PTPRG: variants seen among roughly 807,000 people sequenced by gnomAD.
The protein encoded by PTPRG is protein tyrosine phosphatase receptor type G.
In PTPRG, 102 loss-of-function variants were observed where a neutral mutation model predicts 165.3. The observed-to-expected ratio is 0.62, with a 90% CI of 0.53 to 0.73. The LOEUF (loss-of-function observed/expected upper bound fraction) is 0.73. Among genes scored for constraint, PTPRG ranks in the 30% least tolerant of loss-of-function variants. The pLI, the probability that PTPRG is intolerant of heterozygous loss-of-function variation, is 0.00. For missense variants in PTPRG, 1,866 were observed against 1,861.4 expected (o/e 1.00, Z -0.05); for synonymous variants, 675 against 669.5 (o/e 1.01, Z -0.13).
At chr3:62,071,638 G>A (rs865888188) in intron 4 of PTPRG, among the ~76,000 whole-genome samples, 66 of 152,130 alleles carry the variant, frequency 4.3e-4, no homozygotes, top group African/African-American at 1.6e-3. Flanking sequence ...ATCTGTCATG[G>A]TGCCTTACAG....
chr3:62,176,945 A>C (rs1359024485), intron 8 of PTPRG, among the ~76,000 whole-genome samples: 1 of 152,082 alleles, frequency 6.6e-6, no homozygotes, highest in East Asian at 1.9e-4. Context: ...CTAATATCTA[A>C]GCTTCTATTT....
At chr3:62,115,041 T>C (rs1332570690) in intron 5 of PTPRG, among the ~76,000 whole-genome samples, 2 of 152,242 alleles carry the variant, frequency 1.3e-5, no homozygotes, top group Non-Finnish European at 2.9e-5. Context: ...GGGATTCAAC[T>C]GACTGTTGCA....
At chr3:62,183,790 T>A (rs750072878) in intron 8 of PTPRG, among the ~76,000 whole-genome samples, 10 of 152,120 alleles carry the variant, frequency 6.6e-5, no homozygotes, top group Non-Finnish European at 1.5e-4. Context: ...TTGTCATTTG[T>A]CATTGAGAAC....
chr3:61,610,016 T>C (rs187554929), intron 1 of PTPRG, among the ~76,000 whole-genome samples: 2 of 148,766 alleles, frequency 1.3e-5, no homozygotes, highest in African/African-American at 5.0e-5. Flanking sequence ...AAAATGTTTT[T>C]ATTTGTATCT....
At chr3:61,649,173 C>G (rs996315639) in intron 1 of PTPRG, among the ~76,000 whole-genome samples, 5 of 151,334 alleles carry the variant, frequency 3.3e-5, no homozygotes, top group African/African-American at 1.2e-4. Context: ...CTTTCCCTCC[C>G]TCCTTCCTTC....
intron 2 of PTPRG, among the ~76,000 whole-genome samples, chr3:61,863,896 C>G (rs1433013893): frequency 1.3e-5 from 2 of 152,192 alleles, no homozygotes; most frequent in Non-Finnish European, 1.5e-5. Context: ...CAGTGTTGTT[C>G]TATGTATTTA....
intron 2 of PTPRG, among the ~76,000 whole-genome samples, chr3:61,910,070 C>T (rs2038761580): frequency 1.3e-5 from 2 of 151,966 alleles, no homozygotes; most frequent in South Asian, 2.1e-4. Flanking sequence ...ATTTTTAATT[C>T]ACTTATTTTT....
chr3:61,845,415 A>T (rs1213679556), intron 2 of PTPRG, among the ~76,000 whole-genome samples: 3 of 152,234 alleles, frequency 2.0e-5, no homozygotes, highest in Non-Finnish European at 4.4e-5. Context: ...CTGTTGCTTT[A>T]GGCAGCCAAA....
intron 2 of PTPRG, among the ~76,000 whole-genome samples, chr3:61,944,595 T>C (rs889584095): frequency 2.0e-5 from 3 of 152,194 alleles, no homozygotes; most frequent in Non-Finnish European, 2.9e-5. Context: ...TCGCGCTACA[T>C]GATAATCTGT....
chr3:61,637,893 A>C (rs1245796957), intron 1 of PTPRG, among the ~76,000 whole-genome samples: 1 of 151,192 alleles, frequency 6.6e-6, no homozygotes. Context: ...TAGCCATCTT[A>C]CCATTCATGT....
At position 62,277,667 on chromosome 3, in the gene PTPRG, C is replaced by A. The variant is rs768894209; in HGVS notation, c.3753C>A (p.Asp1251Glu). The change falls in exon 26 of 30, where the codon GAC (aspartate) becomes GAA (glutamate). Residue 1251 changes from aspartate (D) to glutamate (E), a missense_variant. By Grantham distance (45) the Asp-to-Glu change is conservative. Around this residue, in one of 3 missense-constraint regions of PTPRG, gnomAD observed 1,452 missense variants for 1,463.0 expected, o/e 0.99. Transcript: ENST00000474889. ...HNAQIIVMLPDNQSLAEDEFV... is the reference protein window; with the variant it reads ...HNAQIIVMLPENQSLAEDEFV... ...CACAGATCATTGTCATGCTGCCAGACAACCAGAGCTTGGTAAGTAAAGCAC... is the reference window on the plus strand; with the variant it reads ...CACAGATCATTGTCATGCTGCCAGAAAACCAGAGCTTGGTAAGTAAAGCAC... The A allele has an allele frequency of 1.2e-6, 2 of 1,612,468 alleles. No individual in the cohort carries two copies. Among genetic ancestry groups the A allele is most frequent in the East Asian group, 4.5e-5 (2 of 44,848 alleles).
At chr3:61,762,591 G>A (rs1415357197) in intron 2 of PTPRG, among the ~76,000 whole-genome samples, 5 of 152,122 alleles carry the variant, frequency 3.3e-5, no homozygotes, top group Admixed American at 6.5e-5. Flanking sequence ...AGCCTGGGCA[G>A]CAGAACAACA....
At chr3:62,281,416 G>A (rs189725319) in intron 26 of PTPRG, 147 bp from the exon 27 acceptor site, 39 of 633,216 alleles carry the variant, frequency 6.2e-5, no homozygotes, top group African/African-American at 5.8e-4. Context: ...TCAACTTGGT[G>A]TAGTTCGATG....
chr3:61,713,707 G>A (rs1220427883), intron 1 of PTPRG, among the ~76,000 whole-genome samples: 1 of 152,168 alleles, frequency 6.6e-6, no homozygotes, highest in Non-Finnish European at 1.5e-5. Context: ...GCATTCAGCA[G>A]TTAACATCAT....
chr3:61,832,918 C>A (rs113007908), intron 2 of PTPRG, among the ~76,000 whole-genome samples: 1 of 152,178 alleles, frequency 6.6e-6, no homozygotes, highest in Non-Finnish European at 1.5e-5. Flanking sequence ...TTTGCATTCT[C>A]GTAGCTTGGC....
At chr3:61,679,920 CT>C (rs1703370197) in intron 1 of PTPRG, among the ~76,000 whole-genome samples, 1 of 152,152 alleles carries the variant, frequency 6.6e-6, no homozygotes, top group Admixed American at 6.6e-5. Context: ...ATCTTGACAC[CT>C]TACTCTCTTC....
intron 2 of PTPRG, among the ~76,000 whole-genome samples, chr3:61,767,254 A>AAAAAAAAAAG (rs1559600813): frequency 6.7e-6 from 1 of 149,294 alleles, no homozygotes; most frequent in Non-Finnish European, 1.5e-5. Context: ...AAAAAAAAAA[A>AAAAAAAAAAG]AAAGAAAGTA....
At position 61,911,200 on chromosome 3, in the gene PTPRG, C is replaced by G. The variant is rs544755112; in HGVS notation, c.191-78425C>G. 3.3e-5 allele frequency among the ~76,000 whole-genome samples: 5 copies of G among 152,216 alleles called. No individual in the cohort carries two copies. The East Asian group carries it at 7.7e-4, about 24-fold the overall frequency. ...CTGATACTTAATACATTTTTGGTTT[C>G]AAGACAAAGAGGGGAAGGGGGCAGA... On this transcript the variant is annotated intron_variant, in intron 2 of 29. Coordinates refer to ENST00000474889, the MANE Select transcript of PTPRG (RefSeq NM_002841.4).
Position 61,562,235 on chromosome 3 carries a change from T to A in PTPRG, c.-53T>A. On this transcript the variant is annotated 5_prime_UTR_variant, in exon 1 of 30. Transcript: ENST00000474889. The stretch of plus-strand genomic sequence containing the variant: ...GGAGGCTCGCACGGAGGCAAGAACT[T>A]ATTCAACAAGTTTACCTCCCTGCTT... The A allele has an allele frequency of 6.5e-7, 1 of 1,537,256 alleles. No individual in the cohort carries two copies. Among genetic ancestry groups the A allele is most frequent in the Non-Finnish European group, 9.0e-7 (1 of 1,111,012 alleles).
Sources: gnomAD v4.1 joint callset for allele counts (sites outside exome capture counted in the v4.1 genomes callset) on GRCh38, gnomAD v4.1.1 for gene constraint, gnomAD v4.1.1 regional missense constraint, MANE v1.5 for transcripts, NCBI Gene and HGNC (gene_info 2026-07-23, HGNC 2026-07-21) for gene names.